SOX30: variants seen among roughly 807,000 people sequenced by gnomAD.
The protein encoded by SOX30 is SRY-box transcription factor 30, also known as transcription factor SOX-30.
In SOX30, 17 loss-of-function variants were observed where a neutral mutation model predicts 58.6. The ratio of observed to expected loss-of-function variants is 0.29; its 90% CI spans 0.20 to 0.44. The LOEUF (loss-of-function observed/expected upper bound fraction) is 0.44, where lower values mean the gene tolerates loss of function less well. SOX30 is among the 20% of genes least tolerant of loss of function. The pLI is 1.00. For missense variants in SOX30, 951 were observed against 965.8 expected (o/e 0.98, Z 0.20); for synonymous variants, 421 against 400.2 (o/e 1.05, Z -0.62).
At chr5:157,667,865 GA>G in intron 1 of SOX30, 1 of 1,535,384 alleles carries the variant, frequency 6.5e-7, no homozygotes, top group Admixed American at 2.0e-5. Flanking sequence ...GGAACAAAAA[GA>G]AGGGAACTTC....
intron 4 of SOX30, among the ~76,000 whole-genome samples, chr5:157,632,840 A>G (rs567487053): frequency 1.3e-5 from 2 of 152,206 alleles, no homozygotes; most frequent in African/African-American, 2.4e-5. Context: ...TGTAATCCCA[A>G]CACTCTGGGA....
chr5:157,646,566 C>T, intron 3 of SOX30, 71 bp downstream of exon 3: 1 of 1,079,206 alleles, frequency 9.3e-7, no homozygotes, highest in Non-Finnish European at 1.4e-6. Flanking sequence ...ACAGAAAGAA[C>T]ACTTCAAACT....
chr5:157,636,918 G>A (rs1164751081), intron 4 of SOX30, among the ~76,000 whole-genome samples: 4 of 151,872 alleles, frequency 2.6e-5, no homozygotes, highest in East Asian at 1.9e-4. Flanking sequence ...ATCTGAGGTC[G>A]GGAGTTCAAG....
In SOX30 at chr5:157,647,042, T is replaced by C. The variant is rs571517158; in HGVS notation, c.1208-226A>G. 8.6e-5 allele frequency among the ~76,000 whole-genome samples: 13 copies of C among 150,828 alleles called. No homozygotes were observed. The East Asian group carries it at 2.1e-3, about 25-fold the overall frequency. On this transcript the variant is annotated intron_variant, in intron 2 of 4. Coordinates refer to ENST00000265007, the MANE Select transcript of SOX30 (RefSeq NM_178424.2). ...TAGTGGCCAATGTTATAACTCATCA[T>C]TGAAAAGAAGAGGGTCAAATTTTTT... is the stretch of plus-strand genomic sequence containing the variant.
At position 157,638,514 on chromosome 5, in the gene SOX30, C is replaced by T; in HGVS notation, c.1596G>A (p.Val532=). ...HQLHSEATHT[V]KQPTPVSLES... is the part of the protein sequence containing the mutation. ...CTAGAGAGACAGGAGTGGGTTGCTTCACAGTGTGAGTGGCTTCAGAATGCA... is the reference window on the plus strand; with the variant it reads ...CTAGAGAGACAGGAGTGGGTTGCTTTACAGTGTGAGTGGCTTCAGAATGCA... The change falls in exon 4 of 5, where the codon GTG becomes GTA. Residue 532 remains valine, a synonymous_variant. Transcript: ENST00000265007. 1 of 1,614,168 alleles carries T rather than the reference C, an allele frequency of 6.2e-7. No individual in the cohort carries two copies. Among genetic ancestry groups the T allele is most frequent in the South Asian group, 1.1e-5 (1 of 91,088 alleles).
At chr5:157,642,997 T>A (rs989525064) in intron 3 of SOX30, among the ~76,000 whole-genome samples, 3 of 152,106 alleles carry the variant, frequency 2.0e-5, no homozygotes, top group Admixed American at 2.0e-4. Flanking sequence ...TCAACTACAG[T>A]ATAATGACAA....
chr5:157,629,693 T>C (rs748135672), intron 4 of SOX30, among the ~76,000 whole-genome samples: 75 of 152,218 alleles, frequency 4.9e-4, no homozygotes, highest in Non-Finnish European at 4.7e-4. Flanking sequence ...AAGGAGTGTA[T>C]ATGTTATTTC....
intron 4 of SOX30, among the ~76,000 whole-genome samples, chr5:157,628,045 T>G (rs964840779): frequency 1.3e-5 from 2 of 151,240 alleles, no homozygotes; most frequent in Middle Eastern, 3.4e-3. Context: ...CTGGGCACAG[T>G]AGTGCATGCC....
chr5:157,653,487 G>C (rs1759411713), upstream of SOX30, among the ~76,000 whole-genome samples: 2 of 152,122 alleles, frequency 1.3e-5, no homozygotes, highest in African/African-American at 4.8e-5. Flanking sequence ...GACTGTGATA[G>C]GGTAATAATA....
upstream of SOX30, among the ~76,000 whole-genome samples, chr5:157,655,104 C>T (rs896264764): frequency 2.0e-5 from 3 of 152,106 alleles, no homozygotes; most frequent in African/African-American, 7.2e-5. Context: ...TTTCTGGTGA[C>T]CCAGGTGGGA....
intron 4 of SOX30, among the ~76,000 whole-genome samples, chr5:157,628,573 T>A (rs1297394091): frequency 2.0e-5 from 3 of 152,058 alleles, no homozygotes; most frequent in Non-Finnish European, 4.4e-5. Flanking sequence ...TTTTCAGGTT[T>A]CCATGCCTAC....
chr5:157,661,331 C>CTACCA (rs1432968274), intron 2 of SOX30, among the ~76,000 whole-genome samples: 2 of 152,154 alleles, frequency 1.3e-5, no homozygotes, highest in East Asian at 3.8e-4. Context: ...ATTGAGAATT[C>CTACCA]TACCATGAAT....
chr5:157,642,836 A>G (rs946940990), intron 3 of SOX30, among the ~76,000 whole-genome samples: 15 of 152,158 alleles, frequency 9.9e-5, no homozygotes, highest in Non-Finnish European at 1.8e-4. Context: ...TATTTTTACA[A>G]AAAGGAGAGA....
At chr5:157,633,097 G>A (rs868599000) in intron 4 of SOX30, among the ~76,000 whole-genome samples, 7 of 152,098 alleles carry the variant, frequency 4.6e-5, no homozygotes, top group Admixed American at 3.9e-4. Flanking sequence ...TCCTTCCAGG[G>A]TCTTGGCTTT....
chr5:157,670,491 T>C (rs1005004828), intron 1 of SOX30, among the ~76,000 whole-genome samples: 15 of 152,148 alleles, frequency 9.9e-5, no homozygotes, highest in African/African-American at 3.6e-4. Context: ...GATAACTATT[T>C]TTCTTGCTTT....
Position 157,648,694 on chromosome 5 carries a change from T to C in SOX30, c.1170A>G (p.Ala390=). The change falls in exon 2 of 5, where the codon GCA becomes GCG. Residue 390 remains alanine, a synonymous_variant. Coordinates refer to ENST00000265007, the MANE Select transcript of SOX30 (RefSeq NM_178424.2). The part of the protein sequence containing the change: ...EEQKKPYYDE[A]QKIKEKHREE... Reference sequence around the variant, plus strand: ...CTCTGTGCTTTTCCTTAATCTTTTGTGCTTCATCGTAATAGGGTTTCTTTT... The same window carrying C: ...CTCTGTGCTTTTCCTTAATCTTTTGCGCTTCATCGTAATAGGGTTTCTTTT... 1.9e-6 allele frequency: 3 copies of C among 1,613,920 alleles called. No homozygotes were observed. The highest frequency in any genetic ancestry group is 2.2e-5 in the South Asian group (2 of 91,046).
chr5:157,660,250 G>T (rs145509367), intron 2 of SOX30, among the ~76,000 whole-genome samples: 1 of 151,988 alleles, frequency 6.6e-6, no homozygotes, highest in African/African-American at 2.4e-5. Context: ...GCAAAATCTC[G>T]TCTCTACAAA....
intron 1 of SOX30, among the ~76,000 whole-genome samples, 156 bp downstream of exon 1, chr5:157,650,956 C>T (rs1251422543): frequency 6.6e-6 from 1 of 152,156 alleles, no homozygotes; most frequent in Non-Finnish European, 1.5e-5. Context: ...GCTATATGTA[C>T]AAGTCGATCA....
intron 3 of SOX30, among the ~76,000 whole-genome samples, chr5:157,641,697 C>T (rs1462268693): frequency 1.3e-5 from 2 of 152,134 alleles, no homozygotes; most frequent in African/African-American, 2.4e-5. Flanking sequence ...ATACTTGCTA[C>T]GACTACCTAA....
Sources: allele counts gnomAD v4.1 joint callset (sites outside exome capture counted in the v4.1 genomes callset), GRCh38; gene constraint gnomAD v4.1.1; transcripts MANE v1.5; gene names NCBI Gene and HGNC (gene_info 2026-07-23, HGNC 2026-07-21).